PSMB2: variants seen among roughly 807,000 people sequenced by gnomAD.
PSMB2 encodes the protein proteasome subunit beta type-2.
In PSMB2, 13 loss-of-function variants were observed where a neutral mutation model predicts 25.7. The ratio of observed to expected loss-of-function variants is 0.51; its 90% CI spans 0.33 to 0.80. The LOEUF is 0.80. PSMB2 is among the 30% of genes least tolerant of loss of function. The pLI is 0.02. For missense variants in PSMB2, 202 were observed against 259.0 expected (o/e 0.78, Z 1.51); for synonymous variants, 87 against 96.2 (o/e 0.90, Z 0.56).
Position 35,602,920 on chromosome 1 carries a change from TAG to T in PSMB2, c.*345_*346del. 9.8e-7 allele frequency: 1 copy of T among 1,018,730 alleles called. No individual in the cohort carries two copies. Among genetic ancestry groups the T allele is most frequent in the Non-Finnish European group, 1.2e-6 (1 of 849,052 alleles). 63.1% of individuals were successfully genotyped at this position (1,018,730 alleles called of 1,614,324 possible). ...TTAAGGGCAAAAAGAACCACTACTT[TAG>T]AGAGAATGGAGATACTAGCAAGTAA... On this transcript the variant is annotated 3_prime_UTR_variant, in exon 6 of 6. Transcript: ENST00000373237.
In PSMB2 at chr1:35,600,257, A is replaced by G. The variant is rs1649951264; in HGVS notation, c.*3010T>C. Reference sequence around the variant, plus strand: ...AAAGAATGGCATAAAAATGATGCCCAGCTAAATGCAATGTTGTATCTTGGA... The same window carrying G: ...AAAGAATGGCATAAAAATGATGCCCGGCTAAATGCAATGTTGTATCTTGGA... On this transcript the variant is annotated 3_prime_UTR_variant, in exon 6 of 6. Coordinates refer to ENST00000373237, the MANE Select transcript of PSMB2 (RefSeq NM_002794.5). 2 of 984,966 alleles carry G rather than the reference A, an allele frequency of 2.0e-6. No individual in the cohort carries two copies. Among genetic ancestry groups the G allele is most frequent in the Non-Finnish European group, 2.4e-6 (2 of 829,486 alleles). 61.0% of individuals were successfully genotyped at this position (984,966 alleles called of 1,614,324 possible).
At chr1:35,632,217 A>G (rs1457696631) in intron 2 of PSMB2, among the ~76,000 whole-genome samples, 1 of 152,246 alleles carries the variant, frequency 6.6e-6, no homozygotes, top group Non-Finnish European at 1.5e-5. Context: ...GAGTATCTCA[A>G]GTGTTAAAAC....
rs151267934 is a variant in PSMB2 at position 35,636,810 on chromosome 1, T to C, written c.92-378A>G. 4.8e-3 allele frequency among the ~76,000 whole-genome samples: 729 copies of C among 152,300 alleles called. 7 individuals carry two copies. The highest frequency in any genetic ancestry group is 0.016 in the African/African-American group (660 of 41,572). On this transcript the variant is annotated intron_variant, in intron 1 of 5. Transcript: ENST00000373237. ...GTATATAATGGACTTTAAGCATCTA[T>C]GGATTTGGGTATCTGCAGGGGTTCT...
chr1:35,634,198 T>C (rs879797327), intron 2 of PSMB2, among the ~76,000 whole-genome samples: 1 of 152,222 alleles, frequency 6.6e-6, no homozygotes, highest in South Asian at 2.1e-4. Context: ...CAGTAAATAC[T>C]TATAGTTAGT....
At chr1:35,609,559 T>A in intron 3 of PSMB2, 151 bp from the exon 4 acceptor site, 1 of 760,332 alleles carries the variant, frequency 1.3e-6, no homozygotes, top group Non-Finnish European at 1.9e-6. Context: ...TAGGGAAATC[T>A]AGAGGACCTG....
intron 3 of PSMB2, among the ~76,000 whole-genome samples, chr1:35,623,925 T>C (rs1650771635): frequency 2.0e-5 from 3 of 152,212 alleles, no homozygotes. Context: ...ACCTCACTGA[T>C]ACCAATAAAC....
At chr1:35,603,865 C>A (rs1650080308) in intron 5 of PSMB2, among the ~76,000 whole-genome samples, 1 of 151,872 alleles carries the variant, frequency 6.6e-6, no homozygotes, top group Admixed American at 6.6e-5. Flanking sequence ...CATAGCAAGA[C>A]CCCATCTCTT....
intron 1 of PSMB2, among the ~76,000 whole-genome samples, chr1:35,640,638 C>T (rs568081973): frequency 5.9e-5 from 9 of 151,940 alleles, no homozygotes; most frequent in African/African-American, 1.9e-4. Context: ...CACCAGGAAA[C>T]TTATCAGAGA....
intron 3 of PSMB2, among the ~76,000 whole-genome samples, chr1:35,613,309 G>A (rs925238747): frequency 6.6e-6 from 1 of 152,044 alleles, no homozygotes; most frequent in African/African-American, 2.4e-5. Flanking sequence ...AGGCCAAGGT[G>A]AGAGGACTGC....
chr1:35,618,626 A>G (rs1366621198), intron 3 of PSMB2, among the ~76,000 whole-genome samples: 1 of 152,182 alleles, frequency 6.6e-6, no homozygotes, highest in Non-Finnish European at 1.5e-5. Flanking sequence ...ATGTTGGTGC[A>G]TTCAAGGGGG....
Position 35,601,763 on chromosome 1 carries a change from GACCAGCAGCA to G in PSMB2, c.*1494_*1503del, listed in dbSNP as rs1461869539. The G allele has an allele frequency of 1.0e-6, 1 of 985,152 alleles. No homozygotes were observed. Among genetic ancestry groups the G allele is most frequent in the Non-Finnish European group, 1.2e-6 (1 of 829,806 alleles). 61.0% of individuals were successfully genotyped at this position (985,152 alleles called of 1,614,324 possible). A position where few individuals can be genotyped will look rare whatever the true frequency, so the allele number is the denominator to read the frequency against. On this transcript the variant is annotated 3_prime_UTR_variant, in exon 6 of 6. Transcript: ENST00000373237. ...AAATGGTTTTGATATGTGGTTCCTA[GACCAGCAGCA>G]TCAGTAGCAACTGGAAATGTGAGAT...
At chr1:35,611,748 T>C (rs1481895590) in intron 3 of PSMB2, among the ~76,000 whole-genome samples, 2 of 151,754 alleles carry the variant, frequency 1.3e-5, no homozygotes, top group African/African-American at 4.8e-5. Flanking sequence ...CGCCTGAACC[T>C]GGGAGGCAGA....
At chr1:35,622,704 A>G (rs1007831022) in intron 3 of PSMB2, among the ~76,000 whole-genome samples, 15 of 151,914 alleles carry the variant, frequency 9.9e-5, no homozygotes, top group African/African-American at 3.6e-4. Context: ...GTGAGAAAGC[A>G]ACACCTTCTC....
intron 1 of PSMB2, among the ~76,000 whole-genome samples, chr1:35,636,768 T>C (rs1173871601): frequency 6.6e-6 from 1 of 152,224 alleles, no homozygotes; most frequent in African/African-American, 2.4e-5. Context: ...ATAGGTAATA[T>C]GCAAATACTA....
chr1:35,618,124 C>T lies in PSMB2; in HGVS notation c.286-8716G>A, dbSNP rs896058589. ...TCTACAATAGTCTACTCTAGACAGA[C>T]GATGAGGACCAAACTAAGGAAAAAG... is the stretch of plus-strand genomic sequence containing the variant. On this transcript the variant is annotated intron_variant, in intron 3 of 5. Transcript: ENST00000373237. 9.9e-5 allele frequency among the ~76,000 whole-genome samples: 15 copies of T among 151,740 alleles called. No individual in the cohort carries two copies. In the South Asian group the frequency reaches 1.2e-3, roughly 13 times the overall value.
Position 35,600,544 on chromosome 1 carries a change from T to G in PSMB2, c.*2723A>C. ...ATAAATGATGCCTGGGTTTCTGACTTGGGCACTTGGGAAACCAGGTAGCTC... is the reference window on the plus strand; with the variant it reads ...ATAAATGATGCCTGGGTTTCTGACTGGGGCACTTGGGAAACCAGGTAGCTC... On this transcript the variant is annotated 3_prime_UTR_variant, in exon 6 of 6. Coordinates refer to ENST00000373237, the MANE Select transcript of PSMB2 (RefSeq NM_002794.5). The G allele has an allele frequency of 2.0e-6, 2 of 985,364 alleles. No homozygotes were observed. The highest frequency in any genetic ancestry group is 3.5e-5 in the African/African-American group (2 of 57,364). The allele number at this position is 985,364 out of a possible 1,614,324, so 61.0% of individuals were successfully genotyped here.
At position 35,600,452 on chromosome 1, in the gene PSMB2, A is replaced by T. The variant is rs1480881328; in HGVS notation, c.*2815T>A. On this transcript the variant is annotated 3_prime_UTR_variant, in exon 6 of 6. Transcript: ENST00000373237. ...CAGAAACTGAATAAGGGGTATAAGGACACCATATTATCTTTGCAACTTTTC... is the reference window on the plus strand; with the variant it reads ...CAGAAACTGAATAAGGGGTATAAGGTCACCATATTATCTTTGCAACTTTTC... The T allele has an allele frequency of 1.1e-6, 1 of 901,558 alleles. No individual in the cohort carries two copies. 55.8% of individuals were successfully genotyped at this position (901,558 alleles called of 1,614,324 possible). A position where few individuals can be genotyped will look rare whatever the true frequency, so the allele number is the denominator to read the frequency against.
rs146992467 is a variant in PSMB2, at chr1:35,600,307, T to C, written c.*2960A>G. 8.7e-5 allele frequency: 83 copies of C among 953,418 alleles called. No individual in the cohort carries two copies. The East Asian group carries it at 8.2e-3, about 94-fold the overall frequency. The allele number at this position is 953,418 out of a possible 1,614,324, so 59.1% of individuals were successfully genotyped here. A position where few individuals can be genotyped will look rare whatever the true frequency, so the allele number is the denominator to read the frequency against. ...ATTATATCCTAGAACAGAAGAAAAT[T>C]AGTGGAAAAACTGGTAAAATCTGAA... is the stretch of plus-strand genomic sequence containing the variant. On this transcript the variant is annotated 3_prime_UTR_variant, in exon 6 of 6. Coordinates refer to ENST00000373237, the MANE Select transcript of PSMB2 (RefSeq NM_002794.5).
In PSMB2 at chr1:35,599,608, G is replaced by T; in HGVS notation, c.*3659C>A. ...GGAAGTGGGGAGTTAGGTTCGGAGA[G>T]GATTATGGAATGCCTAGCATGTCAA... On this transcript the variant is annotated 3_prime_UTR_variant, in exon 6 of 6. Transcript: ENST00000373237. The T allele has an allele frequency of 1.0e-6, 1 of 984,826 alleles. No individual in the cohort carries two copies. 61.0% of individuals were successfully genotyped at this position (984,826 alleles called of 1,614,324 possible). A position where few individuals can be genotyped will look rare whatever the true frequency, so the allele number is the denominator to read the frequency against.
Sources: allele counts gnomAD v4.1 joint callset (sites outside exome capture counted in the v4.1 genomes callset), GRCh38; gene constraint gnomAD v4.1.1; transcripts MANE v1.5; gene names NCBI Gene and HGNC (gene_info 2026-07-23, HGNC 2026-07-21).